CNOT6L: variants seen among roughly 807,000 people sequenced by gnomAD.
CNOT6L encodes the protein CCR4-NOT transcription complex subunit 6-like.
Under a neutral mutation model 64.0 loss-of-function variants are expected in CNOT6L, and 7 were observed. The ratio of observed to expected loss-of-function variants is 0.11; its 90% confidence interval spans 0.06 to 0.21. The LOEUF is 0.21. Ranked by LOEUF, CNOT6L falls within the 10% of genes least tolerant of loss-of-function variation. CNOT6L has a pLI of 1.00. For missense variants in CNOT6L, 245 were observed against 669.0 expected (o/e 0.37, Z 6.99); for synonymous variants, 193 against 243.4 (o/e 0.79, Z 1.93).
chr4:77,818,017 T>C (rs1733764510), intron 1 of CNOT6L, among the ~76,000 whole-genome samples: 1 of 152,258 alleles, frequency 6.6e-6, no homozygotes, highest in Admixed American at 6.5e-5. Context: ...CAACTGGGTT[T>C]TGCTTAGGCT....
chr4:77,808,707 AT>A (rs1047124729), intron 1 of CNOT6L, among the ~76,000 whole-genome samples: 5 of 152,054 alleles, frequency 3.3e-5, no homozygotes, highest in South Asian at 2.1e-4. Context: ...TAGTCTATTA[AT>A]TTTTTCCCTG....
intron 4 of CNOT6L, among the ~76,000 whole-genome samples, chr4:77,763,354 ATTG>A (rs1053116805): frequency 2.6e-5 from 4 of 152,102 alleles, no homozygotes; most frequent in Non-Finnish European, 5.9e-5. Context: ...CCAAAAGAAA[ATTG>A]GCATAGCTAT....
At chr4:77,820,176 G>A (rs1734120091), upstream of CNOT6L, among the ~76,000 whole-genome samples, 1 of 152,192 alleles carries the variant, frequency 6.6e-6, no homozygotes, top group Non-Finnish European at 1.5e-5. Context: ...CGGGGGAGAG[G>A]CGTCCGGGCG....
chr4:77,819,158 T>C (rs1293293141), intron 1 of CNOT6L, 146 bp downstream of exon 1: 8 of 1,511,398 alleles, frequency 5.3e-6, no homozygotes, highest in Non-Finnish European at 6.3e-6. Context: ...CCACTCGCCG[T>C]GGGTCCTCGG....
chr4:77,722,765 A>G (rs912707824), intron 11 of CNOT6L, among the ~76,000 whole-genome samples: 10 of 152,200 alleles, frequency 6.6e-5, no homozygotes, highest in Admixed American at 2.0e-4. Context: ...TTCACCCAAC[A>G]TATTTGTACA....
intron 5 of CNOT6L, among the ~76,000 whole-genome samples, chr4:77,755,121 A>G (rs1725380564): frequency 6.6e-6 from 1 of 151,346 alleles, no homozygotes; most frequent in Admixed American, 6.6e-5. Context: ...CATATTACCA[A>G]AAAAAAGCTT....
rs1049094737 is a variant in CNOT6L, at chr4:77,717,866, C to T, written c.*2565G>A. The T allele has an allele frequency of 7.9e-5, 12 of 152,512 alleles. No homozygotes were observed. Among genetic ancestry groups the T allele is most frequent in the African/African-American group, 2.9e-4 (12 of 41,422 alleles). The allele number at this position is 152,512 out of a possible 1,614,324, so 9.4% of individuals were successfully genotyped here. A position where few individuals can be genotyped will look rare whatever the true frequency, so the allele number is the denominator to read the frequency against. On this transcript the variant is annotated 3_prime_UTR_variant, in exon 12 of 12. Coordinates refer to ENST00000504123, the MANE Select transcript of CNOT6L (RefSeq NM_144571.3). ...ACCCAAAACATAACACAATTACCTA[C>T]TTCAACAGAGCTACTACCAACATTT... is the stretch of plus-strand genomic sequence containing the variant.
intron 8 of CNOT6L, among the ~76,000 whole-genome samples, chr4:77,739,766 C>T (rs1723372520): frequency 1.3e-5 from 2 of 152,168 alleles, no homozygotes; most frequent in African/African-American, 2.4e-5. Flanking sequence ...ACAGGTGACA[C>T]ATCTAAGTAC....
At chr4:77,798,524 T>G (rs1353932045) in intron 1 of CNOT6L, among the ~76,000 whole-genome samples, 2 of 152,104 alleles carry the variant, frequency 1.3e-5, no homozygotes, top group Non-Finnish European at 2.9e-5. Flanking sequence ...GCTTTAGTCA[T>G]TAGAGAAGTG....
chr4:77,755,033 T>C (rs1305349716), intron 5 of CNOT6L, among the ~76,000 whole-genome samples: 2 of 151,210 alleles, frequency 1.3e-5, no homozygotes, highest in East Asian at 1.9e-4. Flanking sequence ...CTGGAGTACA[T>C]TAAAATTTTT....
intron 1 of CNOT6L, among the ~76,000 whole-genome samples, chr4:77,786,185 G>A (rs1363982066): frequency 6.6e-6 from 1 of 151,988 alleles, no homozygotes; most frequent in Non-Finnish European, 1.5e-5. Flanking sequence ...GGAAGCTAAC[G>A]CAGGGGAATC....
At chr4:77,804,844 A>G (rs1258670379) in intron 1 of CNOT6L, among the ~76,000 whole-genome samples, 1 of 152,206 alleles carries the variant, frequency 6.6e-6, no homozygotes, top group Non-Finnish European at 1.5e-5. Flanking sequence ...ATGAAAAAAA[A>G]GCAAATTTTT....
chr4:77,761,356 AG>A (rs756357022), intron 4 of CNOT6L, among the ~76,000 whole-genome samples: 7 of 152,198 alleles, frequency 4.6e-5, no homozygotes, highest in Non-Finnish European at 7.4e-5. Context: ...AAAAGGTGGG[AG>A]GATAACCTTA....
At chr4:77,749,146 G>A (rs1724559666) in intron 5 of CNOT6L, among the ~76,000 whole-genome samples, 1 of 152,070 alleles carries the variant, frequency 6.6e-6, no homozygotes, top group Non-Finnish European at 1.5e-5. Flanking sequence ...CAGAAATTTT[G>A]ACCAAAGTAG....
At chr4:77,724,663 A>G (rs2109863785) in intron 11 of CNOT6L, among the ~76,000 whole-genome samples, 1 of 150,558 alleles carries the variant, frequency 6.6e-6, no homozygotes, top group Middle Eastern at 3.5e-3. Context: ...AAAAAGGGCT[A>G]TGTGAAATAG....
chr4:77,820,176 GC>G (rs1220369269), upstream of CNOT6L, among the ~76,000 whole-genome samples: 2 of 152,192 alleles, frequency 1.3e-5, no homozygotes, highest in Non-Finnish European at 1.5e-5. Flanking sequence ...CGGGGGAGAG[GC>G]GTCCGGGCGA....
At chr4:77,768,662 G>C (rs577520628) in intron 4 of CNOT6L, among the ~76,000 whole-genome samples, 1 of 151,562 alleles carries the variant, frequency 6.6e-6, no homozygotes, top group Non-Finnish European at 1.5e-5. Context: ...AACATCAACA[G>C]TAATTTCAAA....
intron 1 of CNOT6L, among the ~76,000 whole-genome samples, chr4:77,777,112 T>G (rs1728239993): frequency 6.6e-6 from 1 of 152,240 alleles, no homozygotes; most frequent in Non-Finnish European, 1.5e-5. Flanking sequence ...CTTTGAATTG[T>G]GTTTTCTGTT....
At chr4:77,757,044 A>G in intron 4 of CNOT6L, 93 bp from the exon 5 acceptor site, 1 of 563,698 alleles carries the variant, frequency 1.8e-6, no homozygotes, top group Non-Finnish European at 3.1e-6. Flanking sequence ...AATTTCTTAA[A>G]TTCAATTTCT....
Sources: gnomAD v4.1 joint callset for allele counts (sites outside exome capture counted in the v4.1 genomes callset) on GRCh38, gnomAD v4.1.1 for gene constraint, MANE v1.5 for transcripts, NCBI Gene and HGNC (gene_info 2026-07-23, HGNC 2026-07-21) for gene names.